MSH3: variants seen among roughly 807,000 people sequenced by gnomAD.
MSH3 encodes the protein mutS homolog 3.
MSH3 carries 106 observed loss-of-function variants against 123.3 expected under a neutral mutation model. That is an observed-to-expected ratio of 0.86 (90% CI 0.73 to 1.01). The LOEUF (loss-of-function observed/expected upper bound fraction) is 1.01, where lower values mean the gene tolerates loss of function less well. Ranked by LOEUF, MSH3 falls within the 50% of genes least tolerant of loss-of-function variation. The pLI is 0.00. For missense variants in MSH3, 1,459 were observed against 1,347.6 expected, an observed-to-expected ratio of 1.08 and a Z score of -1.29; for synonymous variants, 515 against 481.4, an observed-to-expected ratio of 1.07 and a Z score of -0.91.
chr5:80,779,917 T>TC (rs1225785764), intron 17 of MSH3, among the ~76,000 whole-genome samples: 2 of 151,970 alleles, frequency 1.3e-5, no homozygotes, highest in Non-Finnish European at 2.9e-5. Flanking sequence ...TTTCCCAATG[T>TC]CCCCCCGCCA....
At chr5:80,856,486 G>T (rs1234309528) in intron 21 of MSH3, among the ~76,000 whole-genome samples, 2 of 144,384 alleles carry the variant, frequency 1.4e-5, no homozygotes, top group African/African-American at 5.2e-5. Context: ...TCACTCATAG[G>T]TGGGAGTTGA....
intron 20 of MSH3, among the ~76,000 whole-genome samples, chr5:80,837,013 T>C (rs1745526839): frequency 6.6e-6 from 1 of 152,166 alleles, no homozygotes; most frequent in African/African-American, 2.4e-5. Context: ...TCCTGTGTTG[T>C]GCAGAAGGAG....
In MSH3 at chr5:80,864,852, G is replaced by T. The variant is rs1746073377; in HGVS notation, c.3040G>T (p.Val1014Phe). 1 of 1,613,312 alleles carries T rather than the reference G, an allele frequency of 6.2e-7. No homozygotes were observed. The highest frequency in any genetic ancestry group is 8.5e-7 in the Non-Finnish European group (1 of 1,179,316). ...CCTGTTTGTCACCCATTATCCGCCA[G>T]TTTGTGAACTAGAAAAAAATTACTC... ...LTLFVTHYPPVCELEKNYSHQ... is the reference protein window; with the variant it reads ...LTLFVTHYPPFCELEKNYSHQ... Residue 1014 changes from valine (V) to phenylalanine (F), a missense_variant, in exon 22 of 24, where the codon GTT (valine) becomes TTT (phenylalanine). Transcript: ENST00000265081.
intron 2 of MSH3, among the ~76,000 whole-genome samples, chr5:80,658,629 TG>T (rs1406452256): frequency 7.9e-5 from 12 of 152,178 alleles, no homozygotes; most frequent in Non-Finnish European, 1.8e-4. Flanking sequence ...GGTCTTACTC[TG>T]TCATCCAGGC....
At chr5:80,800,093 T>G (rs1038016666) in intron 19 of MSH3, among the ~76,000 whole-genome samples, 8 of 152,242 alleles carry the variant, frequency 5.3e-5, no homozygotes, top group African/African-American at 1.9e-4. Flanking sequence ...TCTTATTGAT[T>G]GATGCTATTC....
At chr5:80,839,756 A>G (rs1161531097) in intron 20 of MSH3, among the ~76,000 whole-genome samples, 1 of 152,174 alleles carries the variant, frequency 6.6e-6, no homozygotes, top group Non-Finnish European at 1.5e-5. Flanking sequence ...ATAAAAAGTG[A>G]CACAATAAAA....
chr5:80,861,666 C>A (rs1165682012), intron 21 of MSH3, among the ~76,000 whole-genome samples: 1 of 152,100 alleles, frequency 6.6e-6, no homozygotes, highest in African/African-American at 2.4e-5. Context: ...CAAAAGTGTG[C>A]CCCCTTCCCC....
intron 8 of MSH3, among the ~76,000 whole-genome samples, chr5:80,692,486 A>T (rs552107153): frequency 2.5e-5 from 2 of 79,232 alleles, no homozygotes; most frequent in Non-Finnish European, 4.8e-5. Flanking sequence ...ATAGATAAAC[A>T]TGTATATGTT....
At chr5:80,695,602 G>A (rs949893650) in intron 8 of MSH3, among the ~76,000 whole-genome samples, 1 of 152,162 alleles carries the variant, frequency 6.6e-6, no homozygotes, top group African/African-American at 2.4e-5. Context: ...CCAAAGTGCT[G>A]GGATTACAGG....
intron 22 of MSH3, among the ~76,000 whole-genome samples, chr5:80,869,797 T>TATATAC (rs1746173664): frequency 1.6e-5 from 2 of 128,124 alleles, no homozygotes. Context: ...CATATATACA[T>TATATAC]ATATATACAT....
intron 22 of MSH3, 86 bp from the exon 23 acceptor site, chr5:80,873,030 G>A (rs1554077361): frequency 2.5e-6 from 3 of 1,186,900 alleles, no homozygotes; most frequent in South Asian, 2.5e-5. Context: ...ATTTAATAAA[G>A]TTATGAGAAC....
intron 10 of MSH3, among the ~76,000 whole-genome samples, chr5:80,741,178 C>G (rs1483858935): frequency 6.6e-6 from 1 of 152,058 alleles, no homozygotes; most frequent in Non-Finnish European, 1.5e-5. Context: ...TGGTTCTATT[C>G]CTAGAGCAAA....
At chr5:80,722,705 T>G (rs927764326) in intron 8 of MSH3, among the ~76,000 whole-genome samples, 16 of 152,346 alleles carry the variant, frequency 1.1e-4, no homozygotes, top group Admixed American at 3.9e-4. Context: ...AACATTACTG[T>G]TGGATATAAT....
chr5:80,800,627 A>G (rs2112036315), intron 19 of MSH3, among the ~76,000 whole-genome samples: 1 of 152,298 alleles, frequency 6.6e-6, no homozygotes, highest in South Asian at 2.1e-4. Context: ...TATATTCTTG[A>G]CAGATTTTTA....
chr5:80,864,404 C>T (rs555708026), intron 21 of MSH3, among the ~76,000 whole-genome samples: 2 of 151,922 alleles, frequency 1.3e-5, no homozygotes, highest in Non-Finnish European at 2.9e-5. Flanking sequence ...AGGAAAGAGA[C>T]AAAAAGAAAC....
intron 5 of MSH3, among the ~76,000 whole-genome samples, 166 bp from the exon 6 acceptor site, chr5:80,672,575 T>A (rs369673634): frequency 2.0e-5 from 3 of 152,364 alleles, no homozygotes; most frequent in Middle Eastern, 3.4e-3. Context: ...TATGATAGTG[T>A]TTCTTAGCAA....
intron 11 of MSH3, among the ~76,000 whole-genome samples, chr5:80,744,065 G>T (rs974080003): frequency 1.3e-4 from 19 of 151,888 alleles, no homozygotes; most frequent in Non-Finnish European, 1.9e-4. Flanking sequence ...ATCCTTCCTG[G>T]GTAAATACCT....
intron 23 of MSH3, among the ~76,000 whole-genome samples, chr5:80,875,038 C>A (rs1746281358): frequency 6.6e-6 from 1 of 152,186 alleles, no homozygotes; most frequent in Non-Finnish European, 1.5e-5. Flanking sequence ...ATAATAGTTG[C>A]TATTTGTTGG....
intron 19 of MSH3, among the ~76,000 whole-genome samples, chr5:80,801,675 C>A (rs1744793545): frequency 6.6e-6 from 1 of 152,174 alleles, no homozygotes; most frequent in Non-Finnish European, 1.5e-5. Flanking sequence ...TCCACAACTT[C>A]TCATCTTCCA....
Sources: gnomAD v4.1 joint callset for allele counts (sites outside exome capture counted in the v4.1 genomes callset) on GRCh38, gnomAD v4.1.1 for gene constraint, MANE v1.5 for transcripts, NCBI Gene and HGNC (gene_info 2026-07-23, HGNC 2026-07-21) for gene names.